The following TRABD2B variants were observed in gnomAD, a reference collection of about 807,000 sequenced individuals.
The protein encoded by TRABD2B is TraB domain containing 2B.
TRABD2B carries 14 observed loss-of-function variants against 40.1 expected under a neutral mutation model. That is an observed-to-expected ratio of 0.35 (90% CI 0.23 to 0.55). The LOEUF is 0.55. Among genes scored for constraint, TRABD2B ranks in the 20% least tolerant of loss-of-function variants. The pLI, the probability that TRABD2B is intolerant of heterozygous loss-of-function variation, is 0.90. For missense variants in TRABD2B, 541 were observed against 648.6 expected (o/e 0.83, Z 1.80); for synonymous variants, 263 against 277.0 (o/e 0.95, Z 0.50).
At chr1:47,965,765 G>T (rs183652594) in intron 2 of TRABD2B, among the ~76,000 whole-genome samples, 1 of 152,240 alleles carries the variant, frequency 6.6e-6, no homozygotes, top group East Asian at 1.9e-4. Context: ...CTACTTCTAG[G>T]ATACTAGGAT....
At chr1:47,940,311 CT>C (rs1297891164) in intron 2 of TRABD2B, among the ~76,000 whole-genome samples, 1 of 152,222 alleles carries the variant, frequency 6.6e-6, no homozygotes, top group Non-Finnish European at 1.5e-5. Context: ...TCACAGGTAG[CT>C]GAGTAGTTAC....
chr1:47,995,822 C>A (rs1375893707), intron 1 of TRABD2B, among the ~76,000 whole-genome samples: 2 of 152,168 alleles, frequency 1.3e-5, no homozygotes, highest in Admixed American at 1.3e-4. Context: ...AGTCAGCCAA[C>A]GAGCTCCCTG....
intron 2 of TRABD2B, among the ~76,000 whole-genome samples, chr1:47,973,780 C>G (rs1645715508): frequency 6.6e-6 from 1 of 152,204 alleles, no homozygotes; most frequent in African/African-American, 2.4e-5. Context: ...GTCCATTTTG[C>G]ATACCACAGG....
intron 2 of TRABD2B, among the ~76,000 whole-genome samples, chr1:47,895,372 G>T (rs1474514145): frequency 6.6e-6 from 1 of 152,194 alleles, no homozygotes; most frequent in Non-Finnish European, 1.5e-5. Flanking sequence ...GCTCTGCTGA[G>T]CGGAGGGAAG....
At chr1:47,783,665 T>C (rs1366460658) in intron 4 of TRABD2B, among the ~76,000 whole-genome samples, 1 of 152,188 alleles carries the variant, frequency 6.6e-6, no homozygotes, top group Non-Finnish European at 1.5e-5. Flanking sequence ...TCTGAGCAGG[T>C]GCAGCCCCCA....
intron 4 of TRABD2B, among the ~76,000 whole-genome samples, chr1:47,782,467 G>A (rs1379826037): frequency 6.6e-6 from 1 of 152,166 alleles, no homozygotes; most frequent in Non-Finnish European, 1.5e-5. Flanking sequence ...TGAGGGCAGG[G>A]GTCATGCCTG....
intron 2 of TRABD2B, among the ~76,000 whole-genome samples, chr1:47,987,990 C>T (rs1318993569): frequency 2.0e-5 from 3 of 152,112 alleles, no homozygotes; most frequent in Non-Finnish European, 4.4e-5. Context: ...GGCTTCGGCA[C>T]GGTCTGAGGT....
intron 1 of TRABD2B, among the ~76,000 whole-genome samples, chr1:47,995,501 CGT>C (rs10577035): frequency 0.39 from 58,104 of 149,750 alleles, 11,511 homozygotes; most frequent in African/African-American, 0.48. Flanking sequence ...AGTGTGTGTG[CGT>C]GTGTGTGTGT....
chr1:47,913,991 T>G (rs1414732565), intron 2 of TRABD2B, among the ~76,000 whole-genome samples: 1 of 152,224 alleles, frequency 6.6e-6, no homozygotes, highest in Non-Finnish European at 1.5e-5. Flanking sequence ...GGGGCCTGTG[T>G]CATTGGCTTC....
intron 2 of TRABD2B, among the ~76,000 whole-genome samples, chr1:47,988,723 G>A (rs1229158796): frequency 6.6e-6 from 1 of 152,180 alleles, no homozygotes; most frequent in Non-Finnish European, 1.5e-5. Flanking sequence ...TGGGAGATAC[G>A]CATCACAGAA....
intron 2 of TRABD2B, among the ~76,000 whole-genome samples, chr1:47,896,384 C>G (rs1370066102): frequency 6.6e-6 from 1 of 152,126 alleles, no homozygotes; most frequent in Non-Finnish European, 1.5e-5. Flanking sequence ...CTGGGTTCAA[C>G]AGAGTCACGC....
chr1:47,846,155 G>C (rs1645465961), intron 2 of TRABD2B, among the ~76,000 whole-genome samples: 1 of 152,164 alleles, frequency 6.6e-6, no homozygotes, highest in South Asian at 2.1e-4. Flanking sequence ...AAAAGAACCA[G>C]CATATAGCTA....
intron 2 of TRABD2B, among the ~76,000 whole-genome samples, chr1:47,961,059 A>AT (rs1465933091): frequency 1.1e-4 from 17 of 152,210 alleles, no homozygotes; most frequent in Non-Finnish European, 2.4e-4. Context: ...ATAATGCCGC[A>AT]TATCTACAAC....
At chr1:47,793,992 G>A (rs1644710814) in intron 4 of TRABD2B, among the ~76,000 whole-genome samples, 1 of 152,200 alleles carries the variant, frequency 6.6e-6, no homozygotes. Flanking sequence ...CATTGCAGCT[G>A]CCTTTTTGAG....
chr1:47,794,475 C>T, intron 4 of TRABD2B, 111 bp downstream of exon 4: 1 of 1,259,308 alleles, frequency 7.9e-7, no homozygotes, highest in Non-Finnish European at 1.1e-6. Flanking sequence ...TGTGGCTTTT[C>T]CTGCCCCATC....
At chr1:47,887,225 C>T (rs1472038536) in intron 2 of TRABD2B, among the ~76,000 whole-genome samples, 10 of 152,152 alleles carry the variant, frequency 6.6e-5, no homozygotes, top group East Asian at 5.8e-4. Flanking sequence ...ACTGCTATTC[C>T]CATTCTGCAA....
At chr1:47,821,740 AT>A (rs1419984151) in intron 2 of TRABD2B, among the ~76,000 whole-genome samples, 1 of 152,086 alleles carries the variant, frequency 6.6e-6, no homozygotes, top group Non-Finnish European at 1.5e-5. Flanking sequence ...GCCTGCAGAG[AT>A]TTAGGGCAGC....
chr1:47,867,084 G>A (rs1644069628), intron 2 of TRABD2B, among the ~76,000 whole-genome samples: 1 of 152,214 alleles, frequency 6.6e-6, no homozygotes, highest in South Asian at 2.1e-4. Flanking sequence ...TTACAGTGCT[G>A]CCCTGGATTG....
chr1:47,992,341 A>T (rs1272348324), intron 2 of TRABD2B, among the ~76,000 whole-genome samples: 1 of 152,146 alleles, frequency 6.6e-6, no homozygotes, highest in Non-Finnish European at 1.5e-5. Flanking sequence ...TTTTCACCCT[A>T]CCAAAGCCAT....
Sources: allele counts gnomAD v4.1 joint callset (sites outside exome capture counted in the v4.1 genomes callset), GRCh38; gene constraint gnomAD v4.1.1; transcripts MANE v1.5; gene names NCBI Gene and HGNC (gene_info 2026-07-23, HGNC 2026-07-21).